Variants in ARHGAP6 observed in about 807,000 individuals in gnomAD.
ARHGAP6 encodes the protein rho GTPase-activating protein 6.
Under a neutral mutation model 55.7 loss-of-function variants are expected in ARHGAP6, and 16 were observed. The observed-to-expected ratio is 0.29, with a 90% confidence interval of 0.19 to 0.44. The LOEUF (loss-of-function observed/expected upper bound fraction) is 0.44. Ranked by LOEUF, ARHGAP6 falls within the 20% of genes least tolerant of loss-of-function variation. The probability of loss-of-function intolerance (pLI) is 1.00; values close to 1 mark genes in which losing one functional copy is unlikely to be tolerated. For missense variants in ARHGAP6, 698 were observed against 808.9 expected, an observed-to-expected ratio of 0.86 and a Z score of 1.66; for synonymous variants, 382 against 360.9, an observed-to-expected ratio of 1.06 and a Z score of -0.66.
chrX:11,337,520 G>A (rs760633539), intron 1 of ARHGAP6, among the ~76,000 whole-genome samples: 1 of 112,216 alleles, frequency 8.9e-6, no homozygotes, highest in South Asian at 3.7e-4. Flanking sequence ...AGTATAAACT[G>A]GAGCTTCAAA....
chrX:11,374,765 A>G (rs149763059), intron 1 of ARHGAP6, among the ~76,000 whole-genome samples: 83 of 112,042 alleles, frequency 7.4e-4, no homozygotes, highest in Non-Finnish European at 1.4e-3. Context: ...ATCTAAATTG[A>G]CTTCCCACAC....
At chrX:11,252,461 C>T (rs1048157908) in intron 2 of ARHGAP6, among the ~76,000 whole-genome samples, 1 of 112,541 alleles carries the variant, frequency 8.9e-6, no homozygotes, top group African/African-American at 3.2e-5. Flanking sequence ...CTCCACCCTA[C>T]AACCAAACCA....
At chrX:11,585,571 ATGTG>A (rs1324691017) in intron 1 of ARHGAP6, among the ~76,000 whole-genome samples, 1 of 112,258 alleles carries the variant, frequency 8.9e-6, no homozygotes, top group Non-Finnish European at 1.9e-5. Context: ...GGCCACATGT[ATGTG>A]TTCTTTTGAA....
rs199575300 is a variant in ARHGAP6, at chrX:11,508,852, T to TACACACACACACACAC, written c.588+155373_588+155388dup. Among the ~76,000 whole-genome samples the TACACACACACACACAC allele has an allele frequency of 2.8e-3, 281 of 101,988 alleles. 2 individuals are homozygous for TACACACACACACACAC. Among genetic ancestry groups the TACACACACACACACAC allele is most frequent in the African/African-American group, 9.8e-3 (274 of 27,842 alleles). 88.6% of individuals were successfully genotyped at this position (101,988 alleles called of 115,157 possible). ...GCCTCATGCCTGAGCCAACTCATAC[T>TACACACACACACACAC]ACACACACACACACACACACACACA... On this transcript the variant is annotated intron_variant, in intron 1 of 12. Coordinates refer to ENST00000337414, the MANE Select transcript of ARHGAP6 (RefSeq NM_013427.3).
intron 8 of ARHGAP6, among the ~76,000 whole-genome samples, chrX:11,176,349 A>ATC (rs2046225223): frequency 1.8e-5 from 1 of 56,880 alleles, no homozygotes; most frequent in Non-Finnish European, 3.2e-5. Context: ...ATATATATAT[A>ATC]TCTCCCCTAG....
chrX:11,145,931 C>T (rs770638566), intron 10 of ARHGAP6, among the ~76,000 whole-genome samples: 9 of 112,209 alleles, frequency 8.0e-5, no homozygotes, highest in African/African-American at 2.9e-4. Flanking sequence ...TTGGGAACCT[C>T]TAATAACCAA....
chrX:11,271,050 T>C (rs2047687150), intron 1 of ARHGAP6, among the ~76,000 whole-genome samples: 1 of 111,951 alleles, frequency 8.9e-6, no homozygotes, highest in Non-Finnish European at 1.9e-5. Context: ...CGCTGAGTTA[T>C]AAGGTTGGAT....
At chrX:11,472,010 C>G (rs761402989) in intron 1 of ARHGAP6, among the ~76,000 whole-genome samples, 11 of 112,321 alleles carry the variant, frequency 9.8e-5, no homozygotes, top group Non-Finnish European at 1.7e-4. Context: ...GAGCAACGAA[C>G]AAGACACATA....
At chrX:11,586,223 T>A (rs1461094172) in intron 1 of ARHGAP6, among the ~76,000 whole-genome samples, 1 of 112,286 alleles carries the variant, frequency 8.9e-6, no homozygotes, top group Non-Finnish European at 1.9e-5. Flanking sequence ...TTGCTTTTGG[T>A]GTCTTTGTCA....
At chrX:11,645,633 A>G (rs1228867205) in intron 1 of ARHGAP6, among the ~76,000 whole-genome samples, 1 of 112,204 alleles carries the variant, frequency 8.9e-6, no homozygotes, top group East Asian at 2.8e-4. Flanking sequence ...TTTCAAATAA[A>G]GTCCTTGGGT....
chrX:11,271,572 TGG>T (rs2047694431), intron 1 of ARHGAP6, among the ~76,000 whole-genome samples: 1 of 112,154 alleles, frequency 8.9e-6, no homozygotes, highest in Non-Finnish European at 1.9e-5. Flanking sequence ...AAATTAATTT[TGG>T]ATATCATCAA....
chrX:11,141,275 G>A (rs1402992025), intron 12 of ARHGAP6, among the ~76,000 whole-genome samples: 2 of 111,299 alleles, frequency 1.8e-5, no homozygotes, highest in African/African-American at 3.3e-5. Flanking sequence ...AAAAAGAAAC[G>A]CATACAGATG....
At chrX:11,502,608 G>C (rs1258580875) in intron 1 of ARHGAP6, among the ~76,000 whole-genome samples, 1 of 111,319 alleles carries the variant, frequency 9.0e-6, no homozygotes, top group African/African-American at 3.3e-5. Flanking sequence ...ACCCCTCCTC[G>C]ACCTCCTTTT....
intron 1 of ARHGAP6, among the ~76,000 whole-genome samples, chrX:11,390,609 A>C (rs1026056814): frequency 1.8e-5 from 2 of 111,730 alleles, no homozygotes; most frequent in East Asian, 5.6e-4. Flanking sequence ...ACTCAAACAA[A>C]TTTACAAGAA....
intron 1 of ARHGAP6, among the ~76,000 whole-genome samples, chrX:11,408,802 T>C (rs2049642556): frequency 9.1e-6 from 1 of 110,296 alleles, no homozygotes; most frequent in Non-Finnish European, 1.9e-5. Flanking sequence ...ATGGGTATCC[T>C]GGCAATAAAA....
rs1364423171 is a variant in ARHGAP6, at chrX:11,254,571, C to T, written c.725G>A (p.Ser242Asn). 1 of 1,207,898 alleles carries T rather than the reference C, an allele frequency of 8.3e-7. No individual in the cohort carries two copies. The highest frequency in any genetic ancestry group is 1.1e-6 in the Non-Finnish European group (1 of 894,686). ...ACCTTTGGGAATGGTGATCTGACAGCTCAGGTCACAGTCCTGTTGCAACTG... is the reference window on the plus strand; with the variant it reads ...ACCTTTGGGAATGGTGATCTGACAGTTCAGGTCACAGTCCTGTTGCAACTG... The part of the protein sequence containing the change: ...FYQLQQDCDL[S>N]CQITIPKDGQ... The change falls in exon 2 of 13, where the codon AGC becomes AAC. Residue 242 changes from serine to asparagine, a missense_variant. Ser to Asn is a conservative substitution (Grantham distance 46, BLOSUM62 1). Coordinates refer to ENST00000337414, the MANE Select transcript of ARHGAP6 (RefSeq NM_013427.3).
rs754925343 is a variant in ARHGAP6, at chrX:11,587,517, G to A, written c.588+76724C>T. 5.4e-5 allele frequency among the ~76,000 whole-genome samples: 6 copies of A among 111,935 alleles called. No individual in the cohort carries two copies. The South Asian group carries it at 2.3e-3, about 42-fold the overall frequency. On this transcript the variant is annotated intron_variant, in intron 1 of 12. Transcript: ENST00000337414. ...TAAAGAGTTCCAAGAACTACAGCCA[G>A]CAAGGAAGACTAGCGAGACTGGTAT...
chrX:11,418,203 G>A (rs758649318), intron 1 of ARHGAP6, among the ~76,000 whole-genome samples: 62 of 111,983 alleles, frequency 5.5e-4, no homozygotes, highest in Non-Finnish European at 5.8e-4. Context: ...TTATGAAAGT[G>A]GGTGCACAGA....
intron 2 of ARHGAP6, among the ~76,000 whole-genome samples, chrX:11,203,158 C>G: frequency 9.0e-6 from 1 of 111,693 alleles, no homozygotes; most frequent in Non-Finnish European, 1.9e-5. Context: ...TGTTGATTTC[C>G]TCGCTCTGGA....
Sources: allele counts gnomAD v4.1 joint callset (sites outside exome capture counted in the v4.1 genomes callset), GRCh38; gene constraint gnomAD v4.1.1; transcripts MANE v1.5; gene names NCBI Gene and HGNC (gene_info 2026-07-23, HGNC 2026-07-21).